The following FAM178B variants were observed in gnomAD, a reference collection of about 807,000 sequenced individuals.
FAM178B encodes family with sequence similarity 178 member B.
FAM178B carries 82 observed loss-of-function variants against 91.7 expected under a neutral mutation model. That is an observed-to-expected ratio of 0.89 (90% CI 0.75 to 1.07). The LOEUF is 1.07. Among genes scored for constraint, FAM178B ranks in the 50% least tolerant of loss-of-function variants. The pLI, the probability that FAM178B is intolerant of heterozygous loss-of-function variation, is 0.00. For synonymous variants in FAM178B, 368 were observed against 359.4 expected (o/e 1.02, Z -0.27); for missense variants, 769 against 846.7 (o/e 0.91, Z 1.14).
chr2:96,951,627 G>A (rs1218740379), intron 6 of FAM178B, 143 bp from the exon 7 acceptor site: 8 of 653,938 alleles, frequency 1.2e-5, no homozygotes, highest in Non-Finnish European at 2.2e-5. Context: ...TGCTTTTCAA[G>A]CCCTCAGTGC....
chr2:96,913,625 C>T (rs1362140862), intron 12 of FAM178B, among the ~76,000 whole-genome samples: 1 of 152,240 alleles, frequency 6.6e-6, no homozygotes, highest in Non-Finnish European at 1.5e-5. Context: ...CTCTCCCTAG[C>T]CTGTCTGCAC....
intron 13 of FAM178B, 138 bp from the exon 14 acceptor site, chr2:96,894,189 C>T: frequency 1.1e-6 from 1 of 921,942 alleles, no homozygotes; most frequent in Non-Finnish European, 1.6e-6. Flanking sequence ...CCCACCTCTA[C>T]CTTATGAACT....
intron 9 of FAM178B, among the ~76,000 whole-genome samples, chr2:96,926,837 C>A (rs1481896565): frequency 6.6e-6 from 1 of 152,210 alleles, no homozygotes; most frequent in East Asian, 1.9e-4. Context: ...ACTAAAGAGA[C>A]AGCCCAGTTA....
intron 13 of FAM178B, among the ~76,000 whole-genome samples, chr2:96,901,794 A>G (rs976121715): frequency 5.9e-5 from 9 of 152,154 alleles, no homozygotes; most frequent in African/African-American, 1.9e-4. Context: ...TGGCTGAAAC[A>G]CTATGCTTAA....
At chr2:96,947,003 C>T (rs1156258865) in intron 8 of FAM178B, among the ~76,000 whole-genome samples, 2 of 152,250 alleles carry the variant, frequency 1.3e-5, no homozygotes, top group African/African-American at 4.8e-5. Flanking sequence ...CATCCTTGGC[C>T]TTGGCCTTCA....
chr2:96,958,575 A>C (rs2082034142), intron 6 of FAM178B, among the ~76,000 whole-genome samples: 1 of 151,702 alleles, frequency 6.6e-6, no homozygotes, highest in African/African-American at 2.4e-5. Context: ...CTGTAAACCC[A>C]GCCACTCAGC....
In FAM178B at chr2:96,923,118, G is replaced by A. The variant is rs541134607; in HGVS notation, c.1287+372C>T. Among the ~76,000 whole-genome samples, 4 of 152,068 alleles carry A rather than the reference G, an allele frequency of 2.6e-5. No individual in the cohort carries two copies. In the East Asian group the frequency reaches 5.8e-4, roughly 22 times the overall value. On this transcript the variant is annotated intron_variant, in intron 10 of 16. Coordinates refer to ENST00000490605, the MANE Select transcript of FAM178B (RefSeq NM_001122646.3). ...TGAGCAGATGGGACTACAGGTGTCCGCCACCATGCCCGGCTGATTTTTTTT... is the reference window on the plus strand; with the variant it reads ...TGAGCAGATGGGACTACAGGTGTCCACCACCATGCCCGGCTGATTTTTTTT...
intron 14 of FAM178B, among the ~76,000 whole-genome samples, chr2:96,887,353 G>A (rs563671160): frequency 6.6e-6 from 1 of 152,310 alleles, no homozygotes; most frequent in African/African-American, 2.4e-5. Context: ...ACAGGCTTGA[G>A]CCACTGTATC....
chr2:96,940,837 C>T (rs1458225843), intron 8 of FAM178B, among the ~76,000 whole-genome samples: 4 of 152,242 alleles, frequency 2.6e-5, no homozygotes, highest in East Asian at 1.9e-4. Context: ...TTTTTAAAGA[C>T]GGATGAGCTA....
At chr2:96,886,389 T>A (rs1160622068) in intron 14 of FAM178B, among the ~76,000 whole-genome samples, 1 of 152,214 alleles carries the variant, frequency 6.6e-6, no homozygotes, top group Non-Finnish European at 1.5e-5. Flanking sequence ...AGCTCTTTCT[T>A]GTCCAGGAAG....
In FAM178B at chr2:96,947,918, A is replaced by G; in HGVS notation, c.994-16T>C. On this transcript the variant is annotated splice_polypyrimidine_tract_variant and intron_variant, in intron 7 of 16. Coordinates refer to ENST00000490605, the MANE Select transcript of FAM178B (RefSeq NM_001122646.3). ...ATGTCAGCAGCTAGGTGGAAAAAAA[A>G]AACAAAAACAAAAACCTGGTGAGCT... 1 of 1,384,876 alleles carries G rather than the reference A, an allele frequency of 7.2e-7. No homozygotes were observed. Among genetic ancestry groups the G allele is most frequent in the East Asian group, 2.5e-5 (1 of 40,262 alleles). The allele number at this position is 1,384,876 out of a possible 1,614,324, so 85.8% of individuals were successfully genotyped here. A position where few individuals can be genotyped will look rare whatever the true frequency, so the allele number is the denominator to read the frequency against.
intron 12 of FAM178B, among the ~76,000 whole-genome samples, chr2:96,905,848 A>ATATACGTATATATATG (rs2081035724): frequency 1.1e-4 from 3 of 26,504 alleles, no homozygotes; most frequent in African/African-American, 5.3e-4. Context: ...ATATATATAT[A>ATATACGTATATATATG]TATATATATA....
Position 96,876,070 on chromosome 2 carries a change from G to GA in FAM178B, c.*205dup. ...GAGGCAGAGAGGCCCATCCCTTGCT[G>GA]AGAGGAGAGGGGGTCGGGGCGGTGG... On this transcript the variant is annotated 3_prime_UTR_variant, in exon 17 of 17. Transcript: ENST00000490605. The GA allele has an allele frequency of 1.7e-6, 1 of 591,314 alleles. No individual in the cohort carries two copies. Among genetic ancestry groups the GA allele is most frequent in the Non-Finnish European group, 3.0e-6 (1 of 332,210 alleles). The allele number at this position is 591,314 out of a possible 1,614,324, so 36.6% of individuals were successfully genotyped here.
intron 9 of FAM178B, among the ~76,000 whole-genome samples, chr2:96,927,258 T>C (rs4481029): frequency 0.071 from 10,854 of 152,148 alleles, 531 homozygotes; most frequent in Middle Eastern, 0.15. Context: ...GAGGAAGACA[T>C]GGGGAGGGGC....
intron 8 of FAM178B, among the ~76,000 whole-genome samples, chr2:96,945,290 A>G (rs1472336133): frequency 6.9e-6 from 1 of 145,360 alleles, no homozygotes; most frequent in Non-Finnish European, 1.6e-5. Context: ...CACACACACT[A>G]GAGTGCCCTG....
At chr2:96,977,956 A>AGGGGGGG in intron 1 of FAM178B, 2 of 349,144 alleles carry the variant, frequency 5.7e-6, no homozygotes, top group Admixed American at 3.6e-5. Flanking sequence ...CGGGCGGGGG[A>AGGGGGGG]GGGGGGCGAC....
chr2:96,930,335 G>A (rs2081519616), intron 8 of FAM178B, among the ~76,000 whole-genome samples: 2 of 150,670 alleles, frequency 1.3e-5, no homozygotes, highest in Non-Finnish European at 2.9e-5. Flanking sequence ...ATTTTTATAA[G>A]TGGGAGAGTA....
intron 14 of FAM178B, among the ~76,000 whole-genome samples, chr2:96,889,360 A>G (rs1449993374): frequency 6.6e-6 from 1 of 152,118 alleles, no homozygotes; most frequent in African/African-American, 2.4e-5. Context: ...TAAGGGGAAA[A>G]ACAGAATTAA....
intron 6 of FAM178B, among the ~76,000 whole-genome samples, chr2:96,953,846 G>A (rs1306827213): frequency 6.6e-6 from 1 of 152,220 alleles, no homozygotes; most frequent in Non-Finnish European, 1.5e-5. Context: ...TTGGCTGCTG[G>A]GCAGGGAATG....
Sources: gnomAD v4.1 joint callset for allele counts (sites outside exome capture counted in the v4.1 genomes callset) on GRCh38, gnomAD v4.1.1 for gene constraint, MANE v1.5 for transcripts, NCBI Gene and HGNC (gene_info 2026-07-23, HGNC 2026-07-21) for gene names.